The following GIPC3 variants were observed in gnomAD, a reference collection of about 807,000 sequenced individuals.
The protein encoded by GIPC3 is GIPC PDZ domain containing family member 3.
In GIPC3, 16 loss-of-function variants were observed where a neutral mutation model predicts 27.3. That is an observed-to-expected ratio of 0.59 (90% confidence interval 0.40 to 0.89). The LOEUF (loss-of-function observed/expected upper bound fraction) is 0.89, where lower values mean the gene tolerates loss of function less well. Among genes scored for constraint, GIPC3 ranks in the 40% least tolerant of loss-of-function variants. The pLI, the probability that GIPC3 is intolerant of heterozygous loss-of-function variation, is 0.00. For missense variants in GIPC3, 440 were observed against 442.1 expected, an observed-to-expected ratio of 1.00 and a Z score of 0.04; for synonymous variants, 194 against 184.6, an observed-to-expected ratio of 1.05 and a Z score of -0.41.
At position 3,590,591 on chromosome 19, in the gene GIPC3, C is replaced by T; in HGVS notation, c.*401C>T. 1 of 1,315,530 alleles carries T rather than the reference C, an allele frequency of 7.6e-7. No homozygotes were observed. The highest frequency in any genetic ancestry group is 2.8e-5 in the East Asian group (1 of 35,328). 81.5% of individuals were successfully genotyped at this position (1,315,530 alleles called of 1,614,324 possible). A position where few individuals can be genotyped will look rare whatever the true frequency, so the allele number is the denominator to read the frequency against. On this transcript the variant is annotated 3_prime_UTR_variant, in exon 6 of 6. Transcript: ENST00000644452. ...CCCAGATGAGCTCTGAGACCATGCC[C>T]AGCTCTAGAACTCAGATGGGCTCTG...
chr19:3,592,361 T>G lies in GIPC3; in HGVS notation c.*2171T>G. On this transcript the variant is annotated 3_prime_UTR_variant, in exon 6 of 6. Transcript: ENST00000644452. The stretch of plus-strand genomic sequence containing the variant: ...TTAGCTTTGGAACTCAGCCCAGCTC[T>G]GGGACCCAGATAAGCTCAAGAATTC... 1 of 1,232,080 alleles carries G rather than the reference T, an allele frequency of 8.1e-7. No homozygotes were observed. Among genetic ancestry groups the G allele is most frequent in the Non-Finnish European group, 1.0e-6 (1 of 987,946 alleles). 76.3% of individuals were successfully genotyped at this position (1,232,080 alleles called of 1,614,324 possible).
chr19:3,590,481 A>G lies in GIPC3; in HGVS notation c.*291A>G, dbSNP rs1445344166. On this transcript the variant is annotated 3_prime_UTR_variant, in exon 6 of 6. Transcript: ENST00000644452. ...GACCAAGCCCAGCTCTAGAACTCAG[A>G]TGAGCTTTGAGACCATGCCCAGCAC... 2 of 1,417,672 alleles carry G rather than the reference A, an allele frequency of 1.4e-6. No individual in the cohort carries two copies. Among genetic ancestry groups the G allele is most frequent in the Non-Finnish European group, 1.8e-6 (2 of 1,091,178 alleles). The allele number at this position is 1,417,672 out of a possible 1,614,324, so 87.8% of individuals were successfully genotyped here. A position where few individuals can be genotyped will look rare whatever the true frequency, so the allele number is the denominator to read the frequency against.
chr19:3,589,819 G>A lies in GIPC3; in HGVS notation c.706-12G>A, dbSNP rs112949777. On this transcript the variant is annotated splice_polypyrimidine_tract_variant and intron_variant, in intron 4 of 5. Transcript: ENST00000644452. ...GCTTTTCACCCCTGACTTCCCTCCC[G>A]TGTGCCCCCAGCCCAGTGAGTTTGA... is the stretch of plus-strand genomic sequence containing the variant. 4.0e-4 allele frequency: 649 copies of A among 1,613,178 alleles called. 3 individuals carry two copies. The African/African-American group carries it at 7.4e-3, about 19-fold the overall frequency.
intron 3 of GIPC3, among the ~76,000 whole-genome samples, chr19:3,588,676 G>A (rs1160473877): frequency 1.3e-5 from 2 of 150,844 alleles, no homozygotes; most frequent in Non-Finnish European, 2.9e-5. Flanking sequence ...TGGGTGCAGT[G>A]GCTCAAGCCT....
chr19:3,586,908 G>A lies in GIPC3; in HGVS notation c.506G>A (p.Arg169His). The change falls in exon 3 of 6, where the codon CGC (arginine) becomes CAC (histidine). Residue 169 changes from arginine (R) to histidine (H), a missense_variant. Coordinates refer to ENST00000644452, the MANE Select transcript of GIPC3 (RefSeq NM_133261.3). ...AINDHSIVGCRHYEVAKMLRE... is the reference protein window; with the variant it reads ...AINDHSIVGCHHYEVAKMLRE... ...AACGACCACTCCATTGTGGGCTGCC[G>A]CCACTACGAGGTGGCCAAGATGCTC... 1 of 1,613,448 alleles carries A rather than the reference G, an allele frequency of 6.2e-7. No individual in the cohort carries two copies. Among genetic ancestry groups the A allele is most frequent in the Non-Finnish European group, 8.5e-7 (1 of 1,179,936 alleles).
intron 4 of GIPC3, 114 bp from the exon 5 acceptor site, chr19:3,589,717 C>A (rs2032444192): frequency 4.3e-6 from 5 of 1,160,682 alleles, no homozygotes; most frequent in Non-Finnish European, 6.4e-6. Context: ...ACCAGCACTA[C>A]TGACTCGTGT....
At chr19:3,588,649 A>AAAC (rs1568278145) in intron 3 of GIPC3, among the ~76,000 whole-genome samples, 1 of 151,532 alleles carries the variant, frequency 6.6e-6, no homozygotes, top group African/African-American at 2.4e-5. Context: ...TCAAAAAAAA[A>AAAC]AAAAAAAAAA....
At position 3,592,860 on chromosome 19, in the gene GIPC3, T is replaced by G. The variant is rs766325747; in HGVS notation, c.*2670T>G. 50 of 1,232,024 alleles carry G rather than the reference T, an allele frequency of 4.1e-5. No homozygotes were observed. Among genetic ancestry groups the G allele is most frequent in the Admixed American group, 8.4e-5 (2 of 23,686 alleles). 76.3% of individuals were successfully genotyped at this position (1,232,024 alleles called of 1,614,324 possible). A position where few individuals can be genotyped will look rare whatever the true frequency, so the allele number is the denominator to read the frequency against. ...CTGGCTGAGCCCTGGAAATGGAATC[T>G]GCCCACAGACCCCTGGCCTTGACCC... On this transcript the variant is annotated 3_prime_UTR_variant, in exon 6 of 6. Coordinates refer to ENST00000644452, the MANE Select transcript of GIPC3 (RefSeq NM_133261.3).
intron 3 of GIPC3, among the ~76,000 whole-genome samples, chr19:3,587,947 C>T (rs1162140580): frequency 6.6e-6 from 1 of 152,044 alleles, no homozygotes; most frequent in Non-Finnish European, 1.5e-5. Context: ...CCTCGGCCTC[C>T]CAAAGTGCTG....
Position 3,593,227 on chromosome 19 carries a change from C to T in GIPC3, c.*3037C>T, listed in dbSNP as rs949732855. ...CAGCTGTCTGAGTCCCCAGCTTTGGCGCCAGCCCTTTGCCCCACTCTGGGG... is the reference window on the plus strand; with the variant it reads ...CAGCTGTCTGAGTCCCCAGCTTTGGTGCCAGCCCTTTGCCCCACTCTGGGG... On this transcript the variant is annotated 3_prime_UTR_variant, in exon 6 of 6. Transcript: ENST00000644452. The T allele has an allele frequency of 5.2e-5, 64 of 1,232,458 alleles. No homozygotes were observed. The highest frequency in any genetic ancestry group is 6.2e-5 in the Non-Finnish European group (61 of 988,314). 76.3% of individuals were successfully genotyped at this position (1,232,458 alleles called of 1,614,324 possible). A position where few individuals can be genotyped will look rare whatever the true frequency, so the allele number is the denominator to read the frequency against.
At position 3,586,484 on chromosome 19, in the gene GIPC3, C is replaced by A; in HGVS notation, c.226-11C>A. ...CCCTGGCTAACTCTAGGCTCCTTCT[C>A]CCCCGGGAAGATTTTATTCTGCACC... On this transcript the variant is annotated splice_polypyrimidine_tract_variant and intron_variant, in intron 1 of 5. Transcript: ENST00000644452. The A allele has an allele frequency of 6.2e-7, 1 of 1,612,628 alleles. No homozygotes were observed. Among genetic ancestry groups the A allele is most frequent in the South Asian group, 1.1e-5 (1 of 91,046 alleles).
Position 3,592,899 on chromosome 19 carries a change from G to A in GIPC3, c.*2709G>A, listed in dbSNP as rs267605405. 1.4e-5 allele frequency: 17 copies of A among 1,232,132 alleles called. No individual in the cohort carries two copies. In the Admixed American group the frequency reaches 3.0e-4, roughly 21 times the overall value. The allele number at this position is 1,232,132 out of a possible 1,614,324, so 76.3% of individuals were successfully genotyped here. On this transcript the variant is annotated 3_prime_UTR_variant, in exon 6 of 6. Transcript: ENST00000644452. ...TGGCCTTGACCCTAGAATCCAGCTT[G>A]AGGCCCCTGCCCCAGCCCAACCTCA...
In GIPC3 at chr19:3,590,868, G is replaced by A. The variant is rs192496092; in HGVS notation, c.*678G>A. The stretch of plus-strand genomic sequence containing the variant: ...CAGCTCTAGAACTCAGATGGGCTCC[G>A]AGACCAAGCCCAGCTCTAGAACCCA... On this transcript the variant is annotated 3_prime_UTR_variant, in exon 6 of 6. Coordinates refer to ENST00000644452, the MANE Select transcript of GIPC3 (RefSeq NM_133261.3). The A allele has an allele frequency of 4.3e-4, 529 of 1,234,076 alleles. 14 individuals carry two copies. In the African/African-American group the frequency reaches 6.9e-3, roughly 16 times the overall value. The allele number at this position is 1,234,076 out of a possible 1,614,324, so 76.4% of individuals were successfully genotyped here.
Position 3,593,094 on chromosome 19 carries a change from C to A in GIPC3, c.*2904C>A, listed in dbSNP as rs532510271. 1.6e-6 allele frequency: 2 copies of A among 1,232,760 alleles called. No individual in the cohort carries two copies. Among genetic ancestry groups the A allele is most frequent in the South Asian group, 8.2e-5 (2 of 24,324 alleles). The allele number at this position is 1,232,760 out of a possible 1,614,324, so 76.4% of individuals were successfully genotyped here. ...ACAGTCACAGGTCTCCTCAACCCCC[C>A]AGAAGCCAGCCGTCTCTCCCAAGCC... On this transcript the variant is annotated 3_prime_UTR_variant, in exon 6 of 6. Coordinates refer to ENST00000644452, the MANE Select transcript of GIPC3 (RefSeq NM_133261.3).
intron 3 of GIPC3, among the ~76,000 whole-genome samples, chr19:3,588,303 C>A (rs1040158846): frequency 6.6e-6 from 1 of 152,114 alleles, no homozygotes; most frequent in African/African-American, 2.4e-5. Flanking sequence ...GCACCCTGCC[C>A]ATTTTTTTTC....
rs2032370717 is a variant in GIPC3, at chr19:3,586,591, G to A, written c.322G>A (p.Gly108Ser). The A allele has an allele frequency of 6.2e-7, 1 of 1,613,752 alleles. No individual in the cohort carries two copies. Among genetic ancestry groups the A allele is most frequent in the African/African-American group, 1.3e-5 (1 of 74,904 alleles). ...GGACTTCATCTTTGCCCACGTGCGAGGCGAGACCAAGGAGGTGGAGGTCAC... is the reference window on the plus strand; with the variant it reads ...GGACTTCATCTTTGCCCACGTGCGAAGCGAGACCAAGGAGGTGGAGGTCAC... ...LEDFIFAHVR[G>S]ETKEVEVTKT... is the part of the protein sequence containing the mutation. Residue 108 changes from glycine (G) to serine (S), a missense_variant, in exon 2 of 6, where the codon GGC becomes AGC. Gly to Ser is a moderately conservative substitution (Grantham distance 56, BLOSUM62 0). Transcript: ENST00000644452.
intron 1 of GIPC3, 88 bp from the exon 2 acceptor site, chr19:3,586,407 C>A: frequency 1.7e-6 from 2 of 1,206,616 alleles, no homozygotes; most frequent in Non-Finnish European, 2.4e-6. Context: ...GGATCCTGGT[C>A]GCTGGGGGCA....
In GIPC3 at chr19:3,591,787, G is replaced by A. The variant is rs1286896044; in HGVS notation, c.*1597G>A. The A allele has an allele frequency of 6.5e-6, 8 of 1,233,350 alleles. No individual in the cohort carries two copies. The Admixed American group carries it at 3.4e-4, about 52-fold the overall frequency. The allele number at this position is 1,233,350 out of a possible 1,614,324, so 76.4% of individuals were successfully genotyped here. A position where few individuals can be genotyped will look rare whatever the true frequency, so the allele number is the denominator to read the frequency against. On this transcript the variant is annotated 3_prime_UTR_variant, in exon 6 of 6. Transcript: ENST00000644452. The stretch of plus-strand genomic sequence containing the variant: ...AGTGCTACAACCAGGCCCAACTCCA[G>A]GATTCAGACCAGCTCTGGAACCCCA...
Position 3,593,202 on chromosome 19 carries a change from C to A in GIPC3, c.*3012C>A. On this transcript the variant is annotated 3_prime_UTR_variant, in exon 6 of 6. Coordinates refer to ENST00000644452, the MANE Select transcript of GIPC3 (RefSeq NM_133261.3). Reference sequence around the variant, plus strand: ...CCCTAGGGCAGCCCTCCTGAGTTCCCAGCTGTCTGAGTCCCCAGCTTTGGC... The same window carrying A: ...CCCTAGGGCAGCCCTCCTGAGTTCCAAGCTGTCTGAGTCCCCAGCTTTGGC... The A allele has an allele frequency of 8.1e-7, 1 of 1,232,412 alleles. No individual in the cohort carries two copies. Among genetic ancestry groups the A allele is most frequent in the Non-Finnish European group, 1.0e-6 (1 of 988,168 alleles). 76.3% of individuals were successfully genotyped at this position (1,232,412 alleles called of 1,614,324 possible). A position where few individuals can be genotyped will look rare whatever the true frequency, so the allele number is the denominator to read the frequency against.
Sources: allele counts gnomAD v4.1 joint callset (sites outside exome capture counted in the v4.1 genomes callset), GRCh38; gene constraint gnomAD v4.1.1; transcripts MANE v1.5; gene names NCBI Gene and HGNC (gene_info 2026-07-23, HGNC 2026-07-21).